The following ZNF280C variants were observed in gnomAD, a reference collection of about 807,000 sequenced individuals.
The protein encoded by ZNF280C is zinc finger protein 280C.
A neutral mutation model predicts 53.6 loss-of-function variants in ZNF280C; 14 were observed. That is an observed-to-expected ratio of 0.26 (90% confidence interval 0.17 to 0.41). The LOEUF is 0.41. ZNF280C is among the 10% of genes least tolerant of loss of function. The pLI, the probability that ZNF280C is intolerant of heterozygous loss-of-function variation, is 1.00. For synonymous variants in ZNF280C, 203 were observed against 181.1 expected, an observed-to-expected ratio of 1.12 and a Z score of -0.97; for missense variants, 416 against 547.1, an observed-to-expected ratio of 0.76 and a Z score of 2.39.
At chrX:130,243,915 C>A in intron 3 of ZNF280C, 50 bp from the exon 4 acceptor site, 1 of 837,480 alleles carries the variant, frequency 1.2e-6, no homozygotes. Flanking sequence ...GAAATATATA[C>A]TAATAGAAAA....
At position 130,260,454 on chromosome X, in the gene ZNF280C, T is replaced by G. The variant is rs752905929; in HGVS notation, c.-5A>C. On this transcript the variant is annotated 5_prime_UTR_variant, in exon 2 of 19. Coordinates refer to ENST00000370978, the MANE Select transcript of ZNF280C (RefSeq NM_017666.5). Reference sequence around the variant, plus strand: ...AAAAGGTTTGTCGTCATCCATGAAGTTGCAAGGTCACCTAAGTACGAACAC... The same window carrying G: ...AAAAGGTTTGTCGTCATCCATGAAGGTGCAAGGTCACCTAAGTACGAACAC... 7.5e-6 allele frequency: 9 copies of G among 1,197,751 alleles called. No individual in the cohort carries two copies. The highest frequency in any genetic ancestry group is 2.2e-5 in the Admixed American group (1 of 44,901).
chrX:130,213,371 T>TCAAAA (rs1165074946), intron 15 of ZNF280C, among the ~76,000 whole-genome samples: 1 of 111,017 alleles, frequency 9.0e-6, no homozygotes, highest in Non-Finnish European at 1.9e-5. Flanking sequence ...AGACTCCATC[T>TCAAAA]CAAAACAAAA....
chrX:130,230,736 G>A lies in ZNF280C; in HGVS notation c.772-9C>T, dbSNP rs1321294486. The stretch of plus-strand genomic sequence containing the variant: ...ATGTCTGGACAACAATGCTGAAAGA[G>A]GAAAAAAATATGAGCCTTGTCTACA... On this transcript the variant is annotated splice_polypyrimidine_tract_variant and intron_variant, in intron 8 of 18. Transcript: ENST00000370978. The A allele has an allele frequency of 5.3e-6, 6 of 1,126,094 alleles. No individual in the cohort carries two copies. In the Admixed American group the frequency reaches 7.2e-5, roughly 14 times the overall value. 92.8% of individuals were successfully genotyped at this position (1,126,094 alleles called of 1,213,427 possible).
chrX:130,208,162 C>T, intron 16 of ZNF280C, among the ~76,000 whole-genome samples: 1 of 111,910 alleles, frequency 8.9e-6, no homozygotes, highest in Non-Finnish European at 1.9e-5. Context: ...GACCGAGTCT[C>T]ACTGTGGCCC....
chrX:130,222,845 G>A (rs1333373117), intron 12 of ZNF280C, among the ~76,000 whole-genome samples: 6 of 110,509 alleles, frequency 5.4e-5, no homozygotes, highest in Non-Finnish European at 1.9e-5. Flanking sequence ...TGTATTTTTA[G>A]AGATGGGGCA....
intron 13 of ZNF280C, among the ~76,000 whole-genome samples, chrX:130,217,229 G>A (rs759006110): frequency 3.8e-4 from 42 of 111,789 alleles, no homozygotes; most frequent in African/African-American, 1.3e-3. Context: ...AGGATAAAAT[G>A]TAGAATATCT....
chrX:130,253,838 G>C (rs1019692418), intron 2 of ZNF280C, among the ~76,000 whole-genome samples: 1 of 111,775 alleles, frequency 8.9e-6, no homozygotes, highest in African/African-American at 3.3e-5. Flanking sequence ...TACCATTCTG[G>C]ACATAGGAAT....
In ZNF280C at chrX:130,256,657, C is replaced by A. The variant is rs760011427; in HGVS notation, c.31+3762G>T. 1.5e-4 allele frequency among the ~76,000 whole-genome samples: 17 copies of A among 110,965 alleles called. No homozygotes were observed. In the Admixed American group the frequency reaches 1.6e-3, roughly 11 times the overall value. On this transcript the variant is annotated intron_variant, in intron 2 of 18. Transcript: ENST00000370978. Reference sequence around the variant, plus strand: ...ACCTTAATCCCAGCACTTTGGGAGGCTGAGGTGGGCAGATCACTTGAGGTC... The same window carrying A: ...ACCTTAATCCCAGCACTTTGGGAGGATGAGGTGGGCAGATCACTTGAGGTC...
intron 12 of ZNF280C, among the ~76,000 whole-genome samples, chrX:130,225,582 T>G (rs1203200858): frequency 9.1e-6 from 1 of 109,900 alleles, no homozygotes; most frequent in African/African-American, 3.3e-5. Flanking sequence ...GGGGAACACT[T>G]ATTAACATCT....
intron 1 of ZNF280C, among the ~76,000 whole-genome samples, chrX:130,265,927 A>T (rs209211): frequency 0.51 from 55,821 of 110,508 alleles, 10,920 homozygotes; most frequent in African/African-American, 0.73. Flanking sequence ...TCATAAATAA[A>T]CTGCATCACA....
chrX:130,221,877 C>T (rs1379211226), intron 12 of ZNF280C, among the ~76,000 whole-genome samples: 2 of 110,954 alleles, frequency 1.8e-5, no homozygotes, highest in Non-Finnish European at 3.8e-5. Flanking sequence ...ATGGTTAAAC[C>T]CTCCAAATGG....
At chrX:130,251,636 T>A (rs771087853) in intron 2 of ZNF280C, among the ~76,000 whole-genome samples, 1 of 110,881 alleles carries the variant, frequency 9.0e-6, no homozygotes, top group Admixed American at 9.6e-5. Context: ...TAGTGGTGCA[T>A]GCCTGTAGTT....
At chrX:130,225,031 T>C (rs1013214355) in intron 12 of ZNF280C, among the ~76,000 whole-genome samples, 6 of 111,668 alleles carry the variant, frequency 5.4e-5, no homozygotes, top group Admixed American at 1.9e-4. Flanking sequence ...ACCTGTTGGG[T>C]AACTCTTTCC....
At chrX:130,241,170 G>A (rs1391537369) in intron 5 of ZNF280C, among the ~76,000 whole-genome samples, 2 of 111,422 alleles carry the variant, frequency 1.8e-5, no homozygotes, top group Non-Finnish European at 1.9e-5. Context: ...CTTTAAAAGA[G>A]ATAATAATAA....
intron 15 of ZNF280C, 87 bp from the exon 16 acceptor site, chrX:130,209,802 TA>T: frequency 2.8e-6 from 2 of 722,919 alleles, no homozygotes; most frequent in Non-Finnish European, 4.2e-6. Flanking sequence ...AGCCAATGCT[TA>T]ATTTCTTAGT....
chrX:130,212,091 G>C (rs141362808), intron 15 of ZNF280C, among the ~76,000 whole-genome samples: 2 of 111,376 alleles, frequency 1.8e-5, no homozygotes, highest in Admixed American at 9.6e-5. Context: ...TGGACTCTCC[G>C]GAAGCTAGGA....
chrX:130,229,270 T>C lies in ZNF280C; in HGVS notation c.990-136A>G, dbSNP rs1441931381. The C allele has an allele frequency of 7.9e-5, 42 of 532,670 alleles. No homozygotes were observed. In the East Asian group the frequency reaches 1.5e-3, roughly 19 times the overall value. 43.9% of individuals were successfully genotyped at this position (532,670 alleles called of 1,213,427 possible). A position where few individuals can be genotyped will look rare whatever the true frequency, so the allele number is the denominator to read the frequency against. On this transcript the variant is annotated intron_variant, in intron 9 of 18. Coordinates refer to ENST00000370978, the MANE Select transcript of ZNF280C (RefSeq NM_017666.5). Reference sequence around the variant, plus strand: ...TAACATCTCCAAGGCCTGAAAGCACTCTATAAAGTGTGTACTTTAAATAAT... The same window carrying C: ...TAACATCTCCAAGGCCTGAAAGCACCCTATAAAGTGTGTACTTTAAATAAT...
At chrX:130,260,235 T>TCG (rs1337226849) in intron 2 of ZNF280C, among the ~76,000 whole-genome samples, 184 bp downstream of exon 2, 2 of 111,131 alleles carry the variant, frequency 1.8e-5, no homozygotes, top group African/African-American at 6.5e-5. Flanking sequence ...TGAGCTGAGA[T>TCG]CATGCCACTG....
intron 1 of ZNF280C, among the ~76,000 whole-genome samples, chrX:130,265,317 A>T (rs1485918752): frequency 8.9e-6 from 1 of 111,865 alleles, no homozygotes; most frequent in Non-Finnish European, 1.9e-5. Context: ...ACTATAATAA[A>T]ATATACTTCT....
Sources: gnomAD v4.1 joint callset for allele counts (sites outside exome capture counted in the v4.1 genomes callset) on GRCh38, gnomAD v4.1.1 for gene constraint, MANE v1.5 for transcripts, NCBI Gene and HGNC (gene_info 2026-07-23, HGNC 2026-07-21) for gene names.